Variants in PDE3A observed in about 807,000 individuals in gnomAD.
PDE3A encodes cGMP-inhibited 3',5'-cyclic phosphodiesterase 3A.
Under a neutral mutation model 98.3 loss-of-function variants are expected in PDE3A, and 43 were observed. The ratio of observed to expected loss-of-function variants is 0.44; its 90% CI spans 0.34 to 0.56. PDE3A has a LOEUF of 0.56. Ranked by LOEUF, PDE3A falls within the 20% of genes least tolerant of loss-of-function variation. The pLI, the probability that PDE3A is intolerant of heterozygous loss-of-function variation, is 0.01. For synonymous variants in PDE3A, 663 were observed against 567.9 expected, an observed-to-expected ratio of 1.17 and a Z score of -2.38; for missense variants, 1,427 against 1,440.7, an observed-to-expected ratio of 0.99 and a Z score of 0.15.
At chr12:20,386,102 T>TAA in intron 1 of PDE3A, among the ~76,000 whole-genome samples, 1 of 14,624 alleles carries the variant, frequency 6.8e-5, no homozygotes. Context: ...TATATATAAA[T>TAA]ATATATATAA....
chr12:20,564,208 G>T (rs1051985065), intron 2 of PDE3A, among the ~76,000 whole-genome samples: 2 of 151,960 alleles, frequency 1.3e-5, no homozygotes, highest in Non-Finnish European at 2.9e-5. Context: ...AACACCCTCA[G>T]TCCCCAAACT....
intron 1 of PDE3A, among the ~76,000 whole-genome samples, chr12:20,456,432 T>A (rs922600712): frequency 2.2e-4 from 34 of 152,174 alleles, no homozygotes; most frequent in Admixed American, 1.3e-4. Context: ...TAAAGTTGAC[T>A]TCTTAGGAAA....
Position 20,613,633 on chromosome 12 carries a change from T to C in PDE3A, c.1202T>C (p.Leu401Pro), listed in dbSNP as rs1943925063. The C allele has an allele frequency of 6.2e-7, 1 of 1,613,594 alleles. No individual in the cohort carries two copies. Among genetic ancestry groups the C allele is most frequent in the South Asian group, 1.1e-5 (1 of 91,072 alleles). The stretch of plus-strand genomic sequence containing the variant: ...CCCAGAGTGAATCCCGTCACTTCGC[T>C]CAGTGAAAACTATACCTGTTCTGAC... ...HKPRVNPVTS[L>P]SENYTCSDSE... Residue 401 changes from leucine (L) to proline (P), a missense_variant, in exon 3 of 16, where the codon CTC (leucine) becomes CCC (proline). Physicochemically the swap from Leu to Pro is moderately conservative, Grantham distance 98. Transcript: ENST00000359062.
chr12:20,667,815 T>A (rs1253002012), intron 15 of PDE3A, among the ~76,000 whole-genome samples: 1 of 152,204 alleles, frequency 6.6e-6, no homozygotes, highest in East Asian at 1.9e-4. Context: ...AATGTATTGG[T>A]ATTTTAAAAA....
chr12:20,562,524 T>G (rs1319599432), intron 2 of PDE3A, among the ~76,000 whole-genome samples: 3 of 152,068 alleles, frequency 2.0e-5, no homozygotes, highest in Non-Finnish European at 4.4e-5. Flanking sequence ...AGCTGCTTTT[T>G]TTTTTTGTTT....
intron 1 of PDE3A, among the ~76,000 whole-genome samples, chr12:20,548,138 A>G (rs1227353737): frequency 6.6e-6 from 1 of 152,174 alleles, no homozygotes; most frequent in African/African-American, 2.4e-5. Flanking sequence ...AATGCTTTCT[A>G]TAACAGATTG....
chr12:20,581,304 A>C (rs142525623), intron 2 of PDE3A, among the ~76,000 whole-genome samples: 221 of 152,296 alleles, frequency 1.5e-3, no homozygotes, highest in Non-Finnish European at 1.9e-4. Context: ...ACTTTGTGGC[A>C]AAATAATAGA....
At chr12:20,538,417 T>C (rs1037038329) in intron 1 of PDE3A, among the ~76,000 whole-genome samples, 2 of 152,096 alleles carry the variant, frequency 1.3e-5, no homozygotes, top group Non-Finnish European at 2.9e-5. Context: ...TTTAAAGACT[T>C]TCCTTAGAAG....
intron 1 of PDE3A, among the ~76,000 whole-genome samples, chr12:20,444,278 A>G (rs190780438): frequency 1.9e-4 from 29 of 152,196 alleles, no homozygotes; most frequent in Admixed American, 1.3e-3. Flanking sequence ...GTCCATCACG[A>G]ATATCAGTTT....
At position 20,494,336 on chromosome 12, in the gene PDE3A, C is replaced by T. The variant is rs574301529; in HGVS notation, c.961-62324C>T. ...AATATTTTCTTGATACCACCATATG[C>T]CCTGCACTTAGGTTTCATATTGTTT... is the stretch of plus-strand genomic sequence containing the variant. On this transcript the variant is annotated intron_variant, in intron 1 of 15. Transcript: ENST00000359062. 4.6e-5 allele frequency among the ~76,000 whole-genome samples: 7 copies of T among 152,206 alleles called. No individual in the cohort carries two copies. The East Asian group carries it at 1.4e-3, about 29-fold the overall frequency.
chr12:20,400,604 G>C (rs1944112393), intron 1 of PDE3A, among the ~76,000 whole-genome samples: 1 of 151,740 alleles, frequency 6.6e-6, no homozygotes, highest in South Asian at 2.1e-4. Flanking sequence ...ATTTTTAGTG[G>C]AGACGAGGTT....
At chr12:20,562,258 G>A (rs1016616777) in intron 2 of PDE3A, among the ~76,000 whole-genome samples, 9 of 142,020 alleles carry the variant, frequency 6.3e-5, no homozygotes, top group Admixed American at 2.3e-4. Flanking sequence ...GTCCGGCTCC[G>A]TGCCCAGGCT....
intron 15 of PDE3A, among the ~76,000 whole-genome samples, chr12:20,668,335 G>T (rs1049613619): frequency 1.8e-4 from 27 of 152,324 alleles, no homozygotes; most frequent in African/African-American, 6.5e-4. Flanking sequence ...CTCGAACTGG[G>T]TGGAGCCCAC....
intron 1 of PDE3A, 79 bp from the exon 2 acceptor site, chr12:20,556,581 A>C: frequency 1.1e-6 from 1 of 913,572 alleles, no homozygotes; most frequent in Admixed American, 1.8e-5. Flanking sequence ...GAACAACCTG[A>C]TTATTCTTTA....
intron 4 of PDE3A, among the ~76,000 whole-genome samples, chr12:20,618,474 CTTTA>C (rs1250935641): frequency 6.6e-6 from 1 of 151,940 alleles, no homozygotes; most frequent in Non-Finnish European, 1.5e-5. Context: ...ACTCATATTC[CTTTA>C]TATATACAGC....
chr12:20,650,344 C>G (rs1944887753), intron 13 of PDE3A, 101 bp from the exon 14 acceptor site: 1 of 670,776 alleles, frequency 1.5e-6, no homozygotes, highest in Non-Finnish European at 2.5e-6. Context: ...ATTATGATCC[C>G]TATATAATAT....
At chr12:20,576,863 T>A (rs962648343) in intron 2 of PDE3A, among the ~76,000 whole-genome samples, 3 of 152,056 alleles carry the variant, frequency 2.0e-5, no homozygotes, top group African/African-American at 7.2e-5. Context: ...AATACAAGAT[T>A]CAGCAACCTA....
chr12:20,649,912 G>T (rs983305442), intron 13 of PDE3A, among the ~76,000 whole-genome samples: 1 of 151,584 alleles, frequency 6.6e-6, no homozygotes, highest in African/African-American at 2.4e-5. Context: ...GAGAGAGAGG[G>T]CAAGACTCTG....
rs1367288274 is a variant in PDE3A at position 20,686,468 on chromosome 12, T to C, written c.*6197T>C. 6.6e-6 allele frequency among the ~76,000 whole-genome samples: 1 copy of C among 152,142 alleles called. No homozygotes were observed. The highest frequency in any genetic ancestry group is 1.5e-5 in the Non-Finnish European group (1 of 67,988). On this transcript the variant is annotated 3_prime_UTR_variant, in exon 16 of 16. Transcript: ENST00000359062. ...TGACCAGTCAATAAACAACAGCCAC[T>C]GCATTAATCTGCCCAGCATGATCAG...
Sources: allele counts gnomAD v4.1 joint callset (sites outside exome capture counted in the v4.1 genomes callset), GRCh38; gene constraint gnomAD v4.1.1; transcripts MANE v1.5; gene names NCBI Gene and HGNC (gene_info 2026-07-23, HGNC 2026-07-21).